The following TIAM1 variants were observed in gnomAD, a reference collection of about 807,000 sequenced individuals.
TIAM1 encodes rho guanine nucleotide exchange factor TIAM1.
TIAM1 carries 65 observed loss-of-function variants against 163.5 expected under a neutral mutation model. That is an observed-to-expected ratio of 0.40 (90% confidence interval 0.33 to 0.49). The LOEUF (loss-of-function observed/expected upper bound fraction) is 0.49, where lower values mean the gene tolerates loss of function less well. TIAM1 is among the 20% of genes least tolerant of loss of function. The probability of loss-of-function intolerance (pLI) is 0.77; values close to 1 mark genes in which losing one functional copy is unlikely to be tolerated. For missense variants in TIAM1, 1,789 were observed against 2,044.7 expected (o/e 0.87, Z 2.41); for synonymous variants, 833 against 810.1 (o/e 1.03, Z -0.48).
intron 16 of TIAM1, among the ~76,000 whole-genome samples, chr21:31,162,481 T>C (rs1275569839): frequency 6.6e-6 from 1 of 152,142 alleles, no homozygotes; most frequent in Non-Finnish European, 1.5e-5. Context: ...ATAGAGAAGA[T>C]GAAGTCTGAA....
chr21:31,467,515 A>C (rs1236874558), intron 1 of TIAM1, among the ~76,000 whole-genome samples: 2 of 151,942 alleles, frequency 1.3e-5, no homozygotes, highest in African/African-American at 4.8e-5. Flanking sequence ...AATCCCAGCT[A>C]CTTGGGAGGC....
intron 2 of TIAM1, among the ~76,000 whole-genome samples, chr21:31,365,855 C>A (rs896864728): frequency 1.3e-5 from 2 of 151,740 alleles, no homozygotes; most frequent in Non-Finnish European, 2.9e-5. Flanking sequence ...GTAATCCCGG[C>A]ACTTTGGAAG....
chr21:31,245,374 A>G lies in TIAM1; in HGVS notation c.1584+114T>C, dbSNP rs558645157. On this transcript the variant is annotated intron_variant, in intron 6 of 27. Transcript: ENST00000541036. ...GAGCAACAGATTAATCTCACCACTA[A>G]AAAAAAAAAAAAAAAAAAAAAAAGC... 3.9e-4 allele frequency: 72 copies of G among 187,006 alleles called. 1 individual carries two copies. In the East Asian group the frequency reaches 8.9e-3, roughly 23 times the overall value. 11.6% of individuals were successfully genotyped at this position (187,006 alleles called of 1,614,324 possible).
At chr21:31,506,717 A>G (rs2047040378) in intron 1 of TIAM1, among the ~76,000 whole-genome samples, 1 of 152,212 alleles carries the variant, frequency 6.6e-6, no homozygotes, top group South Asian at 2.1e-4. Context: ...CAGGAGTTCA[A>G]GACCAGCCTG....
chr21:31,546,924 G>C (rs1009881949), intron 1 of TIAM1, among the ~76,000 whole-genome samples: 1 of 149,872 alleles, frequency 6.7e-6, no homozygotes, highest in Non-Finnish European at 1.5e-5. Flanking sequence ...TACTGTCTCA[G>C]CTGTCTCAGC....
chr21:31,557,747 C>A (rs1318560647), intron 1 of TIAM1, among the ~76,000 whole-genome samples: 2 of 152,178 alleles, frequency 1.3e-5, no homozygotes, highest in East Asian at 3.9e-4. Context: ...GGCTCGCGCA[C>A]GTCCTTCAAG....
intron 12 of TIAM1, among the ~76,000 whole-genome samples, chr21:31,200,131 CTAGAACAGCTAGAGTA>C (rs1158312661): frequency 1.3e-5 from 2 of 152,028 alleles, no homozygotes; most frequent in African/African-American, 4.8e-5. Context: ...TCCCCAGTGC[CTAGAACAGCTAGAGTA>C]GTGCCAGGCA....
intron 2 of TIAM1, among the ~76,000 whole-genome samples, chr21:31,412,597 C>T (rs1355315141): frequency 1.3e-5 from 2 of 151,862 alleles, no homozygotes; most frequent in African/African-American, 4.8e-5. Flanking sequence ...ACCTGGCCAA[C>T]ATGGTGAAAC....
rs553312972 is a variant in TIAM1, at chr21:31,545,338, T to C, written c.-422+13589A>G. Among the ~76,000 whole-genome samples the C allele has an allele frequency of 9.8e-5, 15 of 152,330 alleles. 1 individual carries two copies. Among genetic ancestry groups the C allele is most frequent in the East Asian group, 1.9e-4 (1 of 5,186 alleles). ...GGCCCTCAGAGGGAGTGTGGCCCTG[T>C]TGACACCTTGATTACAGACTTCTAG... On this transcript the variant is annotated intron_variant, in intron 1 of 28. Transcript: ENST00000286827.
chr21:31,131,598 C>T (rs1333442845), intron 23 of TIAM1, among the ~76,000 whole-genome samples: 1 of 152,156 alleles, frequency 6.6e-6, no homozygotes, highest in East Asian at 1.9e-4. Flanking sequence ...ATGCCAAGCA[C>T]ATTTAACCTG....
intron 5 of TIAM1, among the ~76,000 whole-genome samples, chr21:31,249,925 C>T (rs556355952): frequency 6.6e-6 from 1 of 152,114 alleles, no homozygotes; most frequent in African/African-American, 2.4e-5. Context: ...GCAGGAGGAT[C>T]GCTTGAGGCC....
At chr21:31,189,568 T>A (rs2284477) in intron 13 of TIAM1, among the ~76,000 whole-genome samples, 4,535 of 152,228 alleles carry the variant, frequency 0.03, 176 homozygotes, top group African/African-American at 0.095. Flanking sequence ...AGTTCCTTCT[T>A]TGAAGATCAC....
rs138116834 is a variant in TIAM1, at chr21:31,229,728, C to T, written c.1585-3778G>A. On this transcript the variant is annotated intron_variant, in intron 6 of 27. Coordinates refer to ENST00000541036, the MANE Select transcript of TIAM1 (RefSeq NM_001353694.2). The stretch of plus-strand genomic sequence containing the variant: ...GCAGTAGCAGTGCAATCTCGGCTCA[C>T]TGCAACCTCCGCCTCCCAAGTTCAA... Among the ~76,000 whole-genome samples, 19 of 152,100 alleles carry T rather than the reference C, an allele frequency of 1.2e-4. No homozygotes were observed. In the East Asian group the frequency reaches 3.7e-3, roughly 29 times the overall value.
chr21:31,258,264 T>C (rs1296674693), intron 4 of TIAM1, among the ~76,000 whole-genome samples: 1 of 152,078 alleles, frequency 6.6e-6, no homozygotes, highest in Non-Finnish European at 1.5e-5. Context: ...TCAAAAATAA[T>C]TGCTGAATGA....
chr21:31,394,728 TCACACACA>T (rs71318270), intron 2 of TIAM1, among the ~76,000 whole-genome samples: 1,536 of 95,610 alleles, frequency 0.016, 21 homozygotes, highest in South Asian at 0.029. Flanking sequence ...TCTCTCTCTC[TCACACACA>T]CACACACACA....
At chr21:31,508,363 A>T (rs2047101538) in intron 1 of TIAM1, among the ~76,000 whole-genome samples, 1 of 151,712 alleles carries the variant, frequency 6.6e-6, no homozygotes, top group South Asian at 2.1e-4. Flanking sequence ...AGAAATAAAG[A>T]ACTAGGTTTT....
At chr21:31,514,653 G>A (rs545372516) in intron 1 of TIAM1, among the ~76,000 whole-genome samples, 4 of 152,116 alleles carry the variant, frequency 2.6e-5, no homozygotes, top group African/African-American at 9.6e-5. Context: ...AGATTGCACC[G>A]CTGTTCTCCA....
intron 6 of TIAM1, among the ~76,000 whole-genome samples, chr21:31,241,828 A>C (rs1012626691): frequency 1.3e-5 from 2 of 152,124 alleles, no homozygotes; most frequent in Non-Finnish European, 2.9e-5. Context: ...GCAACATAGC[A>C]AGATTCTGTC....
chr21:31,315,798 G>A (rs182390149), intron 2 of TIAM1, among the ~76,000 whole-genome samples: 3 of 151,832 alleles, frequency 2.0e-5, no homozygotes, highest in Admixed American at 6.6e-5. Flanking sequence ...TGGCCAACAG[G>A]GTGAAACCCC....
Sources: allele counts gnomAD v4.1 joint callset (sites outside exome capture counted in the v4.1 genomes callset), GRCh38; gene constraint gnomAD v4.1.1; transcripts MANE v1.5; gene names NCBI Gene and HGNC (gene_info 2026-07-23, HGNC 2026-07-21).